The following KMT2E variants were observed in gnomAD, a reference collection of about 807,000 sequenced individuals.
KMT2E encodes histone reader KMT2E.
Under a neutral mutation model 184.6 loss-of-function variants are expected in KMT2E, and 30 were observed. The observed-to-expected ratio is 0.16, with a 90% CI of 0.12 to 0.22. The LOEUF (loss-of-function observed/expected upper bound fraction) is 0.22, where lower values mean the gene tolerates loss of function less well. Among genes scored for constraint, KMT2E ranks in the 10% least tolerant of loss-of-function variants. KMT2E has a pLI of 1.00. For missense variants in KMT2E, 2,023 were observed against 2,237.4 expected (o/e 0.90, Z 1.93); for synonymous variants, 815 against 776.5 (o/e 1.05, Z -0.82).
At position 105,074,802 on chromosome 7, in the gene KMT2E, C is replaced by T; in HGVS notation, c.716C>T (p.Ser239Leu). 1 of 1,601,804 alleles carries T rather than the reference C, an allele frequency of 6.2e-7. No homozygotes were observed. The highest frequency in any genetic ancestry group is 8.5e-7 in the Non-Finnish European group (1 of 1,175,324). ...AGCGGGGAGAAAGAACAACACATTT[C>T]AAAATGTAAAAAGGTACGTTTTTGC... is the stretch of plus-strand genomic sequence containing the variant. ...KKSGEKEQHI[S>L]KCKKAFREGS... The change falls in exon 8 of 27, where the codon TCA becomes TTA. Residue 239 changes from serine (S) to leucine (L), a missense_variant. Ser to Leu is a moderately radical substitution (Grantham distance 145). Transcript: ENST00000311117.
intron 13 of KMT2E, chr7:105,089,158 G>A (rs1798100714): frequency 3.0e-6 from 1 of 336,244 alleles, no homozygotes; most frequent in South Asian, 2.2e-5. Flanking sequence ...ATTACATGTT[G>A]AGCATCCCTC....
At chr7:105,096,575 C>G (rs1370958030) in intron 15 of KMT2E, among the ~76,000 whole-genome samples, 1 of 150,672 alleles carries the variant, frequency 6.6e-6, no homozygotes, top group African/African-American at 2.4e-5. Context: ...ATTTTTATAC[C>G]ACCACAACAT....
At chr7:105,079,829 C>CATTATT (rs111633846) in intron 12 of KMT2E, among the ~76,000 whole-genome samples, 18 of 146,690 alleles carry the variant, frequency 1.2e-4, no homozygotes, top group South Asian at 6.5e-4. Context: ...CTTTTTAAAT[C>CATTATT]ATTATTATTA....
chr7:105,085,656 T>G (rs529874709), intron 13 of KMT2E, among the ~76,000 whole-genome samples: 4 of 152,052 alleles, frequency 2.6e-5, no homozygotes, highest in South Asian at 4.1e-4. Context: ...GCATCTGTCT[T>G]CCTTCCTTCA....
chr7:105,090,361 G>A, intron 14 of KMT2E, 88 bp downstream of exon 14: 1 of 1,399,304 alleles, frequency 7.1e-7, no homozygotes, highest in East Asian at 2.4e-5. Context: ...ATGTATAATT[G>A]TTTAAAGTAT....
chr7:105,037,088 T>A (rs1795691417), intron 1 of KMT2E, among the ~76,000 whole-genome samples: 1 of 152,200 alleles, frequency 6.6e-6, no homozygotes, highest in Admixed American at 6.5e-5. Context: ...CTTTCAAGTT[T>A]CTTTAATTAT....
At chr7:105,085,991 A>C (rs1442129588) in intron 13 of KMT2E, among the ~76,000 whole-genome samples, 1 of 152,046 alleles carries the variant, frequency 6.6e-6, no homozygotes, top group Admixed American at 6.6e-5. Context: ...GATTTCTTTA[A>C]CATTTTACTA....
chr7:105,075,090 T>C (rs1797472803), intron 8 of KMT2E, among the ~76,000 whole-genome samples: 1 of 152,068 alleles, frequency 6.6e-6, no homozygotes, highest in African/African-American at 2.4e-5. Context: ...GCCTTCATAG[T>C]TTTCTGTACT....
At chr7:105,099,588 T>C (rs111675396) in intron 15 of KMT2E, among the ~76,000 whole-genome samples, 4 of 152,298 alleles carry the variant, frequency 2.6e-5, no homozygotes, top group African/African-American at 7.2e-5. Flanking sequence ...CAAGAAAATA[T>C]TGGACTATGT....
intron 18 of KMT2E, 22 bp from the exon 19 acceptor site, chr7:105,105,834 CATT>C: frequency 6.3e-7 from 1 of 1,598,900 alleles, no homozygotes; most frequent in South Asian, 1.1e-5. Context: ...GATTCCTGTT[CATT>C]CATGTATTCT....
Position 105,113,330 on chromosome 7 carries a change from T to C in KMT2E, c.5574T>C (p.His1858=). ...FQNNYHGSGW[H] Reference sequence around the variant, plus strand: ...ACAATTACCATGGGTCAGGGTGGCATTAAAATGGACTCCAAAAACATTTTT... The same window carrying C: ...ACAATTACCATGGGTCAGGGTGGCACTAAAATGGACTCCAAAAACATTTTT... Residue 1858 remains histidine, a synonymous_variant, in exon 27 of 27, where the codon CAT becomes CAC. Transcript: ENST00000311117. 6.2e-7 allele frequency: 1 copy of C among 1,600,110 alleles called. No homozygotes were observed. The highest frequency in any genetic ancestry group is 8.5e-7 in the Non-Finnish European group (1 of 1,169,704).
intron 12 of KMT2E, among the ~76,000 whole-genome samples, chr7:105,080,642 T>A (rs932782561): frequency 6.6e-6 from 1 of 152,164 alleles, no homozygotes; most frequent in Admixed American, 6.5e-5. Context: ...ACTGAAGGAG[T>A]TAATACATAT....
chr7:105,067,836 G>T (rs879904385), intron 6 of KMT2E, among the ~76,000 whole-genome samples: 23 of 152,146 alleles, frequency 1.5e-4, no homozygotes, highest in Admixed American at 6.5e-4. Context: ...GCCAGGCGTG[G>T]TGTCACACAT....
chr7:105,105,925 C>G lies in KMT2E; in HGVS notation c.2518C>G (p.Gln840Glu). The change falls in exon 19 of 27, where the codon CAA becomes GAA. Residue 840 changes from glutamine (Q) to glutamate (E), a missense_variant. Gln to Glu is a conservative substitution (Grantham distance 29, BLOSUM62 2). This residue lies in a region of KMT2E where 514 missense variants were observed against 621.8 expected (regional missense o/e 0.83). Coordinates refer to ENST00000311117, the MANE Select transcript of KMT2E (RefSeq NM_182931.3). ...AILHRFNSPC[Q>E]ERSRSPAVNG... is the part of the protein sequence containing the mutation. ...TTTACATAGATTTAATTCACCCTGTCAAGAAAGATCCAGAAGTCCTGCAGT... is the reference window on the plus strand; with the variant it reads ...TTTACATAGATTTAATTCACCCTGTGAAGAAAGATCCAGAAGTCCTGCAGT... The G allele has an allele frequency of 6.2e-7, 1 of 1,613,632 alleles. No homozygotes were observed. Among genetic ancestry groups the G allele is most frequent in the East Asian group, 2.2e-5 (1 of 44,856 alleles).
At chr7:105,031,240 C>T (rs1042565669) in intron 1 of KMT2E, among the ~76,000 whole-genome samples, 8 of 151,496 alleles carry the variant, frequency 5.3e-5, no homozygotes, top group African/African-American at 1.5e-4. Flanking sequence ...TACCTGTGAT[C>T]GAGGTACTTG....
intron 6 of KMT2E, among the ~76,000 whole-genome samples, chr7:105,070,861 TTTATAA>T (rs1203296730): frequency 6.6e-6 from 1 of 151,738 alleles, no homozygotes; most frequent in Non-Finnish European, 1.5e-5. Flanking sequence ...AATTATATAC[TTTATAA>T]TTATGTAAGA....
At chr7:105,107,020 G>GTCT in intron 20 of KMT2E, 146 bp from the exon 21 acceptor site, 1 of 626,674 alleles carries the variant, frequency 1.6e-6, no homozygotes, top group East Asian at 2.8e-5. Context: ...TCTTAAAGCA[G>GTCT]TCTTATTTGG....
At chr7:105,022,515 G>C (rs1334851704) in intron 1 of KMT2E, among the ~76,000 whole-genome samples, 1 of 151,710 alleles carries the variant, frequency 6.6e-6, no homozygotes, top group Non-Finnish European at 1.5e-5. Flanking sequence ...TGTTCATTTT[G>C]ATAGCTTAGT....
chr7:105,047,027 G>A (rs1300466241), intron 3 of KMT2E, among the ~76,000 whole-genome samples: 1 of 152,202 alleles, frequency 6.6e-6, no homozygotes, highest in Non-Finnish European at 1.5e-5. Context: ...GGTACATGGG[G>A]TGAAACCTGG....
Sources: gnomAD v4.1 joint callset for allele counts (sites outside exome capture counted in the v4.1 genomes callset) on GRCh38, gnomAD v4.1.1 for gene constraint, gnomAD v4.1.1 regional missense constraint, MANE v1.5 for transcripts, NCBI Gene and HGNC (gene_info 2026-07-23, HGNC 2026-07-21) for gene names.